Variants in NBPF14 observed in about 807,000 individuals in gnomAD.
The protein encoded by NBPF14 is NBPF family member NBPF14.
Under a neutral mutation model 91.2 loss-of-function variants are expected in NBPF14, and 104 were observed. That is an observed-to-expected ratio of 1.14 (90% CI 0.97 to 1.34). The LOEUF is 1.34. Ranked by LOEUF, NBPF14 falls within the 40% of genes most tolerant of loss-of-function variation. The probability of loss-of-function intolerance (pLI) is 0.00; values close to 1 mark genes in which losing one functional copy is unlikely to be tolerated. For missense variants in NBPF14, 908 were observed against 783.0 expected, an observed-to-expected ratio of 1.16 and a Z score of -1.91; for synonymous variants, 294 against 303.8, an observed-to-expected ratio of 0.97 and a Z score of 0.34.
chr1:148,566,553 A>T (rs1658423077), intron 28 of NBPF14, among the ~76,000 whole-genome samples: 1 of 144,560 alleles, frequency 6.9e-6, no homozygotes, highest in Admixed American at 6.8e-5. Flanking sequence ...ACACACACAC[A>T]CACACAGAGA....
chr1:148,577,282 G>T, exon 15 of NBPF14: 1 of 624,712 alleles, frequency 1.6e-6, no homozygotes. Context: ...CAACCTGAAG[G>T]AGTTGAATAA....
intron 16 of NBPF14, 123 bp downstream of exon 16, chr1:148,576,287 A>T (rs1330540947): frequency 1.9e-6 from 1 of 535,410 alleles, no homozygotes; most frequent in Non-Finnish European, 3.3e-6. Flanking sequence ...ACCAACAGCA[A>T]TGTCAGTAGG....
chr1:148,586,801 C>T (rs1204275131), intron 8 of NBPF14, among the ~76,000 whole-genome samples: 3 of 139,622 alleles, frequency 2.1e-5, no homozygotes, highest in Admixed American at 1.5e-4. Context: ...TGAAAATACA[C>T]ATAGTGCATC....
intron 37 of NBPF14, 74 bp downstream of exon 37, chr1:148,559,719 C>A: frequency 1.3e-6 from 1 of 790,836 alleles, no homozygotes; most frequent in South Asian, 1.5e-5. Flanking sequence ...TCAGTAAGGG[C>A]CACTTGCAGT....
At chr1:148,536,142 A>C (rs1655177469) in intron 67 of NBPF14, 82 bp downstream of exon 67, 3 of 539,932 alleles carry the variant, frequency 5.6e-6, no homozygotes, top group South Asian at 2.0e-5. Context: ...CTCTCAGCTC[A>C]GTAAGGGCCA....
In NBPF14 at chr1:148,578,954, A is replaced by G. The variant is rs1408061243; in HGVS notation, c.1801+120T>C. 65 of 679,634 alleles carry G rather than the reference A, an allele frequency of 9.6e-5. No homozygotes were observed. In the African/African-American group the frequency reaches 1.0e-3, roughly 11 times the overall value. 42.1% of individuals were successfully genotyped at this position (679,634 alleles called of 1,614,324 possible). On this transcript the variant is annotated intron_variant, in intron 13 of 70. Transcript: ENST00000619423. ...GAGTGACTGAAATCTACATTGATAT[A>G]TAGGTTCAGCCCACGGTGATGGCAA... is the stretch of plus-strand genomic sequence containing the variant.
intron 68 of NBPF14, 65 bp from the exon 69 acceptor site, chr1:148,534,921 G>A: frequency 1.4e-6 from 1 of 733,158 alleles, no homozygotes; most frequent in Non-Finnish European, 2.5e-6. Flanking sequence ...GCCCCAGCTA[G>A]ATTTCATGGC....
chr1:148,584,943 C>G (rs1160191082), intron 10 of NBPF14, among the ~76,000 whole-genome samples, 198 bp downstream of exon 10: 1 of 147,498 alleles, frequency 6.8e-6, no homozygotes, highest in Non-Finnish European at 1.5e-5. Flanking sequence ...TATCCCTGTA[C>G]GGTGCAGACA....
chr1:148,558,197 A>T, intron 39 of NBPF14, 55 bp downstream of exon 39: 1 of 207,178 alleles, frequency 4.8e-6, no homozygotes, highest in South Asian at 2.7e-5. Flanking sequence ...CAGGAATATC[A>T]CCCCTATCTG....
Position 148,595,536 on chromosome 1 carries a change from A to T in NBPF14, c.175+7T>A. On this transcript the variant is annotated splice_region_variant and intron_variant, in intron 2 of 70. Coordinates refer to ENST00000619423, the Ensembl canonical transcript of NBPF14. ...CACTTTCATGATGGTGAGCCTATAG[A>T]TCTTACTGTATTTCTTCTGTTGGTT... The T allele has an allele frequency of 1.3e-6, 2 of 1,577,446 alleles. No individual in the cohort carries two copies. Among genetic ancestry groups the T allele is most frequent in the South Asian group, 2.2e-5 (2 of 89,198 alleles).
At chr1:148,534,148 C>G (rs1475953855) in intron 69 of NBPF14, among the ~76,000 whole-genome samples, 179 bp from the exon 70 acceptor site, 1 of 147,256 alleles carries the variant, frequency 6.8e-6, no homozygotes. Flanking sequence ...CGGTTTTTCT[C>G]CCAGAAACTG....
At chr1:148,566,303 C>A (rs1298678461) in exon 29 of NBPF14, 5 of 709,220 alleles carry the variant, frequency 7.1e-6, no homozygotes. Context: ...CCTCCAGCAG[C>A]TCCCTGCTGA....
exon 71 of NBPF14, chr1:148,532,244 A>G (rs1245542630): frequency 6.6e-6 from 1 of 151,144 alleles, no homozygotes; most frequent in Non-Finnish European, 1.5e-5. Context: ...ACCTCCTATG[A>G]AACTCAGGCT....
At position 148,557,604 on chromosome 1, in the gene NBPF14, C is replaced by T. The variant is rs1291588556; in HGVS notation, c.4955-62G>A. 6.3e-5 allele frequency: 37 copies of T among 589,072 alleles called. 6 individuals carry two copies. Among genetic ancestry groups the T allele is most frequent in the Admixed American group, 1.6e-4 (6 of 37,292 alleles). The allele number at this position is 589,072 out of a possible 1,614,324, so 36.5% of individuals were successfully genotyped here. On this transcript the variant is annotated intron_variant, in intron 39 of 70. Coordinates refer to ENST00000619423, the Ensembl canonical transcript of NBPF14. ...CAATTCACCTACACCCATAACAGTC[C>T]ACTGTCTAATCCCCACACAGGGATC... is the stretch of plus-strand genomic sequence containing the variant.
rs587692335 is a variant in NBPF14, at chr1:148,533,301, G to C, written c.8724-53C>G. 7.8e-6 allele frequency: 4 copies of C among 515,386 alleles called. No individual in the cohort carries two copies. The Admixed American group carries it at 1.2e-4, about 16-fold the overall frequency. 31.9% of individuals were successfully genotyped at this position (515,386 alleles called of 1,614,324 possible). A position where few individuals can be genotyped will look rare whatever the true frequency, so the allele number is the denominator to read the frequency against. ...CAGCCAGGGAAAATCAGACACCACAGAGCCCCAGCTAGATTTCAGAAGCAA... is the reference window on the plus strand; with the variant it reads ...CAGCCAGGGAAAATCAGACACCACACAGCCCCAGCTAGATTTCAGAAGCAA... On this transcript the variant is annotated intron_variant, in intron 70 of 70. Transcript: ENST00000619423.
In NBPF14 at chr1:148,559,861, C is replaced by A. The variant is rs1480625143; in HGVS notation, c.4661G>T (p.Cys1554Phe). The A allele has an allele frequency of 7.3e-6, 11 of 1,499,160 alleles. 1 individual carries two copies. Among genetic ancestry groups the A allele is most frequent in the Admixed American group, 5.3e-5 (3 of 56,078 alleles). 92.9% of individuals were successfully genotyped at this position (1,499,160 alleles called of 1,614,324 possible). ...GTAAAAGGCACTTCTATAGGGCTGG[C>A]ATGAGTCAGTCAGTTCAAGACAACC... Residue 1554 changes from cysteine (C) to phenylalanine (F), a missense_variant, in exon 37 of 71, where the codon TGC becomes TTC. This residue lies in a region of NBPF14 where 447 missense variants were observed against 189.1 expected (regional missense o/e 2.36). Transcript: ENST00000619423.
exon 37 of NBPF14, chr1:148,559,933 G>C: frequency 1.5e-6 from 2 of 1,372,758 alleles, no homozygotes; most frequent in Middle Eastern, 5.1e-4. Context: ...CAAGACTTCA[G>C]GCCCTTTCTC....
intron 16 of NBPF14, among the ~76,000 whole-genome samples, chr1:148,576,033 A>G (rs1659644072): frequency 6.8e-6 from 1 of 147,872 alleles, no homozygotes. Context: ...GAGAGGAGAA[A>G]GTGAGCTCAG....
chr1:148,533,759 G>A (rs1355848893), intron 70 of NBPF14, 102 bp downstream of exon 70: 13 of 761,160 alleles, frequency 1.7e-5, no homozygotes, highest in Non-Finnish European at 2.4e-5. Context: ...GAGTAATTCA[G>A]CCTTTGTTGA....
Sources: allele counts gnomAD v4.1 joint callset (sites outside exome capture counted in the v4.1 genomes callset), GRCh38; gene constraint gnomAD v4.1.1; regional missense constraint gnomAD v4.1.1; transcripts MANE v1.5; gene names NCBI Gene and HGNC (gene_info 2026-07-23, HGNC 2026-07-21).